The following RHD variants were observed in gnomAD, a reference collection of about 807,000 sequenced individuals.
RHD encodes the protein Rh blood group D antigen, also known as blood group Rh(D) polypeptide.
Under a neutral mutation model 45.5 loss-of-function variants are expected in RHD, and 16 were observed. The ratio of observed to expected loss-of-function variants is 0.35; its 90% CI spans 0.24 to 0.53. The LOEUF (loss-of-function observed/expected upper bound fraction) is 0.53, where lower values mean the gene tolerates loss of function less well. Ranked by LOEUF, RHD falls within the 20% of genes least tolerant of loss-of-function variation. The pLI is 0.92. For synonymous variants in RHD, 131 were observed against 217.5 expected (o/e 0.60, Z 3.50); for missense variants, 306 against 532.0 (o/e 0.58, Z 4.18).
At chr1:25,300,289 A>C (rs916612672) in intron 3 of RHD, among the ~76,000 whole-genome samples, 2 of 127,334 alleles carry the variant, frequency 1.6e-5, no homozygotes, top group Non-Finnish European at 3.7e-5. Context: ...GGAGGGAAGG[A>C]TCTCTTGAGC....
intron 3 of RHD, among the ~76,000 whole-genome samples, chr1:25,291,221 C>A (rs1642476881): frequency 7.7e-6 from 1 of 130,496 alleles, no homozygotes; most frequent in Admixed American, 7.4e-5. Context: ...GTAATCCCAG[C>A]ACTTTGGGAG....
chr1:25,306,630 G>C lies in RHD; in HGVS notation c.974G>C (p.Ser325Thr). The C allele has an allele frequency of 2.2e-6, 3 of 1,378,330 alleles. 1 individual carries two copies. The highest frequency in any genetic ancestry group is 3.1e-6 in the Non-Finnish European group (3 of 978,736). 85.4% of individuals were successfully genotyped at this position (1,378,330 alleles called of 1,614,324 possible). The change falls in exon 7 of 10, where the codon AGC becomes ACC. Residue 325 changes from serine to threonine, a missense_variant. Physicochemically the swap from Ser to Thr is moderately conservative, Grantham distance 58 (BLOSUM62 1). Transcript: ENST00000328664. ...CCNRVLGIPHSSIMGYNFSLL... is the reference protein window; with the variant it reads ...CCNRVLGIPHTSIMGYNFSLL... ...AACCGAGTGCTGGGGATTCCCCACA[G>C]CTCCATCATGGGCTACAACTTCAGC...
rs1426159556 is a variant in RHD at position 25,296,948 on chromosome 1, G to A, written c.487-3998G>A. On this transcript the variant is annotated intron_variant, in intron 3 of 9. Transcript: ENST00000328664. ...CTAACACAATTTCCTAAAACAAGGG[G>A]ACATTCTCTTACATAACCTTTTTTC... Among the ~76,000 whole-genome samples, 6 of 130,856 alleles carry A rather than the reference G, an allele frequency of 4.6e-5. 2 individuals carry two copies. The allele number at this position is 130,856 out of a possible 152,430, so 85.8% of individuals were successfully genotyped here. A position where few individuals can be genotyped will look rare whatever the true frequency, so the allele number is the denominator to read the frequency against.
chr1:25,315,034 G>C lies in RHD; in HGVS notation c.1074-1966G>C, dbSNP rs2427764. Among the ~76,000 whole-genome samples, 4 of 128,858 alleles carry C rather than the reference G, an allele frequency of 3.1e-5. 1 individual carries two copies. The highest frequency in any genetic ancestry group is 2.0e-4 in the East Asian group (1 of 5,090). The allele number at this position is 128,858 out of a possible 152,430, so 84.5% of individuals were successfully genotyped here. On this transcript the variant is annotated intron_variant, in intron 7 of 9. Coordinates refer to ENST00000328664, the MANE Select transcript of RHD (RefSeq NM_016124.6). Reference sequence around the variant, plus strand: ...CCTGGCCAACATGGTGAAGCCCTGTGCCTACTAAAAATACAAAAAATTAGC... The same window carrying C: ...CCTGGCCAACATGGTGAAGCCCTGTCCCTACTAAAAATACAAAAAATTAGC...
rs1644688085 is a variant in RHD at position 25,321,356 on chromosome 1, A to C, written c.1154-533A>C. Among the ~76,000 whole-genome samples, 2 of 126,464 alleles carry C rather than the reference A, an allele frequency of 1.6e-5. 1 individual carries two copies. Among genetic ancestry groups the C allele is most frequent in the Non-Finnish European group, 3.7e-5 (2 of 53,858 alleles). The allele number at this position is 126,464 out of a possible 152,430, so 83.0% of individuals were successfully genotyped here. ...ATTCCCAGTTCTTTTTTTCAAAAAA[A>C]AAAAAAAAATGTCTACAGAATCGGC... On this transcript the variant is annotated intron_variant, in intron 8 of 9. Transcript: ENST00000328664.
Position 25,307,988 on chromosome 1 carries a change from T to C in RHD, c.1073+1259T>C, listed in dbSNP as rs1001890617. ...CCCTCTGAAAGATGAGGACTTGACC[T>C]AGCAAGGTCCTACTCACATGCCTGT... On this transcript the variant is annotated intron_variant, in intron 7 of 9. Coordinates refer to ENST00000328664, the MANE Select transcript of RHD (RefSeq NM_016124.6). Among the ~76,000 whole-genome samples, 2 of 125,062 alleles carry C rather than the reference T, an allele frequency of 1.6e-5. 1 individual carries two copies. The highest frequency in any genetic ancestry group is 1.6e-4 in the Admixed American group (2 of 12,698). 82.0% of individuals were successfully genotyped at this position (125,062 alleles called of 152,430 possible).
At position 25,280,104 on chromosome 1, in the gene RHD, GT is replaced by G. The variant is rs1641343570; in HGVS notation, c.149-4468del. ...AATGTTATTTCCTGACCAGTTTGGG[GT>G]GCATGAGCTCTGTCAACAGCTCATG... On this transcript the variant is annotated intron_variant, in intron 1 of 9. Coordinates refer to ENST00000328664, the MANE Select transcript of RHD (RefSeq NM_016124.6). Among the ~76,000 whole-genome samples the G allele has an allele frequency of 1.6e-5, 2 of 128,862 alleles. 1 individual carries two copies. Among genetic ancestry groups the G allele is most frequent in the Non-Finnish European group, 3.6e-5 (2 of 54,894 alleles). 84.5% of individuals were successfully genotyped at this position (128,862 alleles called of 152,430 possible).
At position 25,306,019 on chromosome 1, in the gene RHD, G is replaced by A. The variant is rs1643800244; in HGVS notation, c.940-577G>A. ...GTGTGGGAGGCTGAGTGATGGGGAG[G>A]AAGGATTACTGAGTAGGGATCTGAA... On this transcript the variant is annotated intron_variant, in intron 6 of 9. Transcript: ENST00000328664. Among the ~76,000 whole-genome samples, 3 of 131,816 alleles carry A rather than the reference G, an allele frequency of 2.3e-5. No individual in the cohort carries two copies. In the South Asian group the frequency reaches 6.9e-4, roughly 30 times the overall value. 86.5% of individuals were successfully genotyped at this position (131,816 alleles called of 152,430 possible).
In RHD at chr1:25,278,211, G is replaced by A. The variant is rs558010285; in HGVS notation, c.148+5516G>A. Among the ~76,000 whole-genome samples the A allele has an allele frequency of 6.9e-4, 90 of 129,982 alleles. 8 individuals carry two copies. The highest frequency in any genetic ancestry group is 1.9e-3 in the African/African-American group (73 of 38,236). 85.3% of individuals were successfully genotyped at this position (129,982 alleles called of 152,430 possible). A position where few individuals can be genotyped will look rare whatever the true frequency, so the allele number is the denominator to read the frequency against. The stretch of plus-strand genomic sequence containing the variant: ...TTGATGAAAAGAGTGGGGAGTTAAG[G>A]CTGGCTGCAGATGTATGATTTGGCA... On this transcript the variant is annotated intron_variant, in intron 1 of 9. Coordinates refer to ENST00000328664, the MANE Select transcript of RHD (RefSeq NM_016124.6).
rs1411354666 is a variant in RHD at position 25,301,536 on chromosome 1, G to T, written c.651G>T (p.Trp217Cys). 2 of 1,378,644 alleles carry T rather than the reference G, an allele frequency of 1.5e-6. No homozygotes were observed. Among genetic ancestry groups the T allele is most frequent in the East Asian group, 4.5e-5 (2 of 44,650 alleles). 85.4% of individuals were successfully genotyped at this position (1,378,644 alleles called of 1,614,324 possible). A position where few individuals can be genotyped will look rare whatever the true frequency, so the allele number is the denominator to read the frequency against. The stretch of plus-strand genomic sequence containing the variant: ...GGCCCCCAGGCGCCCTCTTCTTGTG[G>T]ATGTTCTGGCCAAGTTTCAACTCTG... Reference protein sequence around the residue: ...LSAMLGALFLWMFWPSFNSAL... With the variant: ...LSAMLGALFLCMFWPSFNSAL... The change falls in exon 5 of 10, where the codon TGG becomes TGT. Residue 217 changes from tryptophan to cysteine, a missense_variant. Coordinates refer to ENST00000328664, the MANE Select transcript of RHD (RefSeq NM_016124.6).
intron 1 of RHD, among the ~76,000 whole-genome samples, chr1:25,274,687 ACATTG>A (rs1392672797): frequency 2.2e-5 from 3 of 133,772 alleles, no homozygotes; most frequent in South Asian, 2.3e-4. Context: ...CCTGGGCTTA[ACATTG>A]CATTGCCCTG....
chr1:25,317,811 G>C (rs1032779705), intron 8 of RHD, among the ~76,000 whole-genome samples: 1 of 81,898 alleles, frequency 1.2e-5, no homozygotes, highest in African/African-American at 4.0e-5. Context: ...TGTGTTGAGG[G>C]AACAGTAAGG....
rs1276367584 is a variant in RHD at position 25,295,863 on chromosome 1, T to C, written c.486+5072T>C. 2.8e-4 allele frequency among the ~76,000 whole-genome samples: 29 copies of C among 103,916 alleles called. 5 individuals carry two copies. The highest frequency in any genetic ancestry group is 9.0e-4 in the African/African-American group (27 of 30,100). The allele number at this position is 103,916 out of a possible 152,430, so 68.2% of individuals were successfully genotyped here. ...GGAATATGGGAAATTTTTTTTTTTT[T>C]TTTTTTTTTTTTTTTTGAGATGGAG... On this transcript the variant is annotated intron_variant, in intron 3 of 9. Transcript: ENST00000328664.
chr1:25,296,868 T>G (rs1643002709), intron 3 of RHD, among the ~76,000 whole-genome samples: 1 of 129,000 alleles, frequency 7.8e-6, no homozygotes, highest in South Asian at 2.4e-4. Context: ...TCAGCCTCTT[T>G]TGTTTATAAA....
intron 3 of RHD, among the ~76,000 whole-genome samples, chr1:25,299,088 A>AC (rs1481814106): frequency 1.6e-5 from 2 of 126,920 alleles, no homozygotes; most frequent in African/African-American, 5.4e-5. Flanking sequence ...AAAAAAAAAA[A>AC]AAAAAAAAAC....
intron 1 of RHD, among the ~76,000 whole-genome samples, chr1:25,278,224 G>A (rs2124599775): frequency 7.7e-6 from 1 of 130,280 alleles, no homozygotes; most frequent in Middle Eastern, 4.1e-3. Context: ...GGCTGCAGAT[G>A]TATGATTTGG....
At position 25,278,680 on chromosome 1, in the gene RHD, C is replaced by G. The variant is rs558208835; in HGVS notation, c.149-5893C>G. Among the ~76,000 whole-genome samples, 234 of 131,956 alleles carry G rather than the reference C, an allele frequency of 1.8e-3. 42 individuals are homozygous for G. The highest frequency in any genetic ancestry group is 0.012 in the Middle Eastern group (3 of 246). The allele number at this position is 131,956 out of a possible 152,430, so 86.6% of individuals were successfully genotyped here. On this transcript the variant is annotated intron_variant, in intron 1 of 9. Transcript: ENST00000328664. ...TATCCTGGGTCCTGTGCTGTGGATACCACTCAGTCCCCCATCCCCACCCCA... is the reference window on the plus strand; with the variant it reads ...TATCCTGGGTCCTGTGCTGTGGATAGCACTCAGTCCCCCATCCCCACCCCA...
At position 25,329,562 on chromosome 1, in the gene RHD, A is replaced by AT. The variant is rs1166393348; in HGVS notation, c.*639dup. On this transcript the variant is annotated 3_prime_UTR_variant, in exon 10 of 10. Coordinates refer to ENST00000328664, the MANE Select transcript of RHD (RefSeq NM_016124.6). ...CCAGCCTTGTTTGCTTTTTTAACAG[A>AT]TAACAGTGTGCTCATAGAAACTGCT... The AT allele has an allele frequency of 4.2e-5, 7 of 165,284 alleles. 2 individuals are homozygous for AT. In the East Asian group the frequency reaches 9.6e-4, roughly 23 times the overall value. 10.2% of individuals were successfully genotyped at this position (165,284 alleles called of 1,614,324 possible).
At chr1:25,294,218 GA>G (rs1459601772) in intron 3 of RHD, 1 of 849,036 alleles carries the variant, frequency 1.2e-6, no homozygotes, top group Non-Finnish European at 2.0e-6. Flanking sequence ...CGTGATAGTT[GA>G]AATAGCAAAG....
Sources: allele counts gnomAD v4.1 joint callset (sites outside exome capture counted in the v4.1 genomes callset), GRCh38; gene constraint gnomAD v4.1.1; transcripts MANE v1.5; gene names NCBI Gene and HGNC (gene_info 2026-07-23, HGNC 2026-07-21).